SLC19A1: variants seen among roughly 807,000 people sequenced by gnomAD.
The protein encoded by SLC19A1 is reduced folate transporter.
In SLC19A1, 37 loss-of-function variants were observed where a neutral mutation model predicts 35.3. The observed-to-expected ratio is 1.05, with a 90% CI of 0.81 to 1.38. SLC19A1 has a LOEUF of 1.38. Ranked by LOEUF, SLC19A1 falls within the 40% of genes most tolerant of loss-of-function variation. The pLI, the probability that SLC19A1 is intolerant of heterozygous loss-of-function variation, is 0.00. For synonymous variants in SLC19A1, 460 were observed against 398.5 expected, an observed-to-expected ratio of 1.15 and a Z score of -1.84; for missense variants, 831 against 826.9, an observed-to-expected ratio of 1.00 and a Z score of -0.06.
chr21:45,525,964 C>T lies in SLC19A1; in HGVS notation c.1152-6G>A, dbSNP rs375822477. 3.5e-5 allele frequency: 56 copies of T among 1,612,470 alleles called. No homozygotes were observed. The highest frequency in any genetic ancestry group is 2.7e-4 in the African/African-American group (20 of 75,068). Reference sequence around the variant, plus strand: ...GAGAAGATGCAATCTGAAAGCTGAACGGGAAGAGCGGGCAGATCAGGCGCT... The same window carrying T: ...GAGAAGATGCAATCTGAAAGCTGAATGGGAAGAGCGGGCAGATCAGGCGCT... On this transcript the variant is annotated splice_polypyrimidine_tract_variant and splice_region_variant and intron_variant, in intron 4 of 5. Coordinates refer to ENST00000311124, the MANE Select transcript of SLC19A1 (RefSeq NM_194255.4).
At chr21:45,511,946 C>T (rs1348914431), downstream of SLC19A1, among the ~76,000 whole-genome samples, 1 of 152,194 alleles carries the variant, frequency 6.6e-6, no homozygotes, top group Admixed American at 6.5e-5. Context: ...AAGCCCTGGC[C>T]CCTCTCCCCT....
rs774519979 is a variant in SLC19A1, at chr21:45,525,974, G to A, written c.1152-16C>T. ...AATCTGAAAGCTGAACGGGAAGAGC[G>A]GGCAGATCAGGCGCTGCTGGGAGAA... On this transcript the variant is annotated splice_polypyrimidine_tract_variant and intron_variant, in intron 4 of 5. Coordinates refer to ENST00000311124, the MANE Select transcript of SLC19A1 (RefSeq NM_194255.4). The A allele has an allele frequency of 1.9e-5, 30 of 1,611,302 alleles. No individual in the cohort carries two copies. The highest frequency in any genetic ancestry group is 9.3e-5 in the African/African-American group (7 of 74,916).
chr21:45,504,390 C>T (rs565684621), intron 3 of SLC19A1: 43 of 1,606,610 alleles, frequency 2.7e-5, no homozygotes, highest in Middle Eastern at 1.7e-4. Context: ...TCAGGGCTCC[C>T]GTGTAACAAG....
At chr21:45,556,589 C>T (rs978626062) in intron 1 of SLC19A1, among the ~76,000 whole-genome samples, 2 of 152,248 alleles carry the variant, frequency 1.3e-5, no homozygotes, top group African/African-American at 4.8e-5. Context: ...CTGAATTCTT[C>T]TCAAAACACC....
intron 3 of SLC19A1, chr21:45,505,549 G>C: frequency 1.4e-6 from 1 of 709,926 alleles, no homozygotes; most frequent in African/African-American, 1.8e-5. Context: ...AGGAGGCCAA[G>C]ATGCGGTTTC....
chr21:45,531,641 C>A lies in SLC19A1; in HGVS notation c.697G>T (p.Gly233Cys). 1 of 1,612,306 alleles carries A rather than the reference C, an allele frequency of 6.2e-7. No homozygotes were observed. Among genetic ancestry groups the A allele is most frequent in the Non-Finnish European group, 8.5e-7 (1 of 1,179,764 alleles). ...SASELERMNPGPGGKLGHALR... is the reference protein window; with the variant it reads ...SASELERMNPCPGGKLGHALR... Reference sequence around the variant, plus strand: ...GCGTGTCCCAGCTTCCCGCCTGGGCCAGGATTCATGCGCTCCAGCTCCGAA... The same window carrying A: ...GCGTGTCCCAGCTTCCCGCCTGGGCAAGGATTCATGCGCTCCAGCTCCGAA... Residue 233 changes from glycine (G) to cysteine (C), a missense_variant, in exon 3 of 6, where the codon GGC becomes TGC. Coordinates refer to ENST00000311124, the MANE Select transcript of SLC19A1 (RefSeq NM_194255.4).
chr21:45,533,302 G>C lies in SLC19A1; in HGVS notation c.190-1154C>G, dbSNP rs1434675310. On this transcript the variant is annotated intron_variant, in intron 2 of 5. Coordinates refer to ENST00000311124, the MANE Select transcript of SLC19A1 (RefSeq NM_194255.4). The surrounding 1 kb of genome is among the most constrained non-coding windows in gnomAD (Gnocchi z 4.5). ...GAACGTGGAGCTGGGCACGGGGCTG[G>C]GGGTGCTACCTCCTACAGGACAAGG... Among the ~76,000 whole-genome samples the C allele has an allele frequency of 5.9e-5, 9 of 152,098 alleles. No individual in the cohort carries two copies. The South Asian group carries it at 1.9e-3, about 31-fold the overall frequency.
intron 2 of SLC19A1, chr21:45,536,241 T>A (rs897042619): frequency 3.9e-5 from 6 of 155,410 alleles, no homozygotes; most frequent in Non-Finnish European, 8.6e-5. Flanking sequence ...ATGTACAACA[T>A]GAGAGGGCAG....
At chr21:45,559,804 T>C (rs569989591) in intron 1 of SLC19A1, among the ~76,000 whole-genome samples, 2 of 152,298 alleles carry the variant, frequency 1.3e-5, no homozygotes, top group African/African-American at 4.8e-5. Flanking sequence ...TAAGAGAAAT[T>C]GCTAGACATG....
Position 45,534,793 on chromosome 21 carries a change from T to A in SLC19A1, c.190-2645A>T. On this transcript the variant is annotated intron_variant, in intron 2 of 5. Transcript: ENST00000311124. This position sits in a 1 kb window ranked among gnomAD's most constrained non-coding sequence, Gnocchi z 4.2. ...ACCTGCGTCCCACTTACAAGGCTGC[T>A]GGGGGAGGGGCCCTCACAACGGTCC... 1.7e-6 allele frequency: 1 copy of A among 586,690 alleles called. No individual in the cohort carries two copies. 36.3% of individuals were successfully genotyped at this position (586,690 alleles called of 1,614,324 possible). A position where few individuals can be genotyped will look rare whatever the true frequency, so the allele number is the denominator to read the frequency against.
At chr21:45,503,130 C>T (rs2036954379) in intron 3 of SLC19A1, among the ~76,000 whole-genome samples, 2 of 152,100 alleles carry the variant, frequency 1.3e-5, no homozygotes, top group African/African-American at 4.8e-5. Flanking sequence ...GTTCTAGATC[C>T]CTGAGGAATC....
Position 45,549,887 on chromosome 21 carries a change from C to T in SLC19A1, c.-49-11879G>A, listed in dbSNP as rs114553589. Among the ~76,000 whole-genome samples, 864 of 152,026 alleles carry T rather than the reference C, an allele frequency of 5.7e-3. 14 individuals carry two copies. Among genetic ancestry groups the T allele is most frequent in the African/African-American group, 0.019 (806 of 41,412 alleles). ...GCAGATGGGGTACAGGTCCAGTATG[C>T]TCCAGCCACGTAGGTCTCCATGTGA... On this transcript the variant is annotated intron_variant, in intron 1 of 5. Transcript: ENST00000650808.
At chr21:45,510,060 G>A (rs369984358), downstream of SLC19A1, 126 of 1,555,826 alleles carry the variant, frequency 8.1e-5, no homozygotes, top group Middle Eastern at 4.4e-4. Flanking sequence ...CCCTCTCCCC[G>A]CAGCTCCACC....
intron 1 of SLC19A1, among the ~76,000 whole-genome samples, chr21:45,550,627 G>A (rs757238024): frequency 5.3e-5 from 8 of 152,236 alleles, no homozygotes; most frequent in Non-Finnish European, 5.9e-5. Context: ...CAGCCCCGCC[G>A]GGAGGCTTGG....
downstream of SLC19A1, chr21:45,510,354 T>C: frequency 7.3e-7 from 1 of 1,363,412 alleles, no homozygotes; most frequent in Non-Finnish European, 1.0e-6. Flanking sequence ...CTAGGGCCTC[T>C]GGAGGCCACC....
intron 1 of SLC19A1, among the ~76,000 whole-genome samples, chr21:45,552,467 A>G (rs1429387901): frequency 6.6e-6 from 1 of 152,096 alleles, no homozygotes; most frequent in African/African-American, 2.4e-5. Context: ...GGAGAGCGAC[A>G]CCCACCCGGA....
At chr21:45,510,646 G>A (rs185321810), downstream of SLC19A1, among the ~76,000 whole-genome samples, 1 of 152,322 alleles carries the variant, frequency 6.6e-6, no homozygotes, top group East Asian at 1.9e-4. Context: ...GCGGGCTGGT[G>A]GCCCCTCTGC....
At chr21:45,541,715 C>G (rs1012589453) in intron 1 of SLC19A1, 1 of 152,308 alleles carries the variant, frequency 6.6e-6, no homozygotes, top group Non-Finnish European at 1.5e-5. Flanking sequence ...TACAAAGCTT[C>G]TGGCACAGGA....
upstream of SLC19A1, among the ~76,000 whole-genome samples, chr21:45,548,339 G>C (rs1354926989): frequency 3.9e-5 from 6 of 152,226 alleles, no homozygotes; most frequent in Admixed American, 3.9e-4. Context: ...CAAACAAAAT[G>C]CCACACCTGG....
Sources: allele counts gnomAD v4.1 joint callset (sites outside exome capture counted in the v4.1 genomes callset), GRCh38; gene constraint gnomAD v4.1.1; non-coding constraint Gnocchi (gnomAD v3.1); transcripts MANE v1.5; gene names NCBI Gene and HGNC (gene_info 2026-07-23, HGNC 2026-07-21).